QTMAN: variants seen among roughly 807,000 people sequenced by gnomAD.
The protein encoded by QTMAN is queuosine-tRNA mannosyltransferase, also known as tRNA-queuosine alpha-mannosyltransferase.
the QTMAN span, among the ~76,000 whole-genome samples, chr2:144,047,176 CAGG>C: frequency 1.3e-5 from 2 of 152,104 alleles, no homozygotes; most frequent in East Asian, 3.9e-4. Flanking sequence ...GAGGCTGAGG[CAGG>C]AGAATTGCTT....
At chr2:144,135,638 C>G in the QTMAN span, among the ~76,000 whole-genome samples, 2 of 152,138 alleles carry the variant, frequency 1.3e-5, no homozygotes, top group African/African-American at 4.8e-5. Flanking sequence ...GTTACCATGA[C>G]ATACTCACTT....
the QTMAN span, among the ~76,000 whole-genome samples, chr2:144,034,277 G>A: frequency 6.6e-6 from 1 of 152,190 alleles, no homozygotes; most frequent in Non-Finnish European, 1.5e-5. Context: ...CCAGGCTTCA[G>A]CTTAATAGCC....
chr2:144,080,230 C>A, the QTMAN span, among the ~76,000 whole-genome samples: 5 of 152,110 alleles, frequency 3.3e-5, no homozygotes, highest in Non-Finnish European at 7.4e-5. Context: ...ACTGAAAAAA[C>A]ACAAGCAAAA....
chr2:144,137,623 T>TTCCTGCTCTGCCTATATCTAGC, the QTMAN span, among the ~76,000 whole-genome samples: 1 of 152,108 alleles, frequency 6.6e-6, no homozygotes, highest in Admixed American at 6.6e-5. Flanking sequence ...CCAGTTCTAG[T>TTCCTGCTCTGCCTATATCTAGC]TCCTGCTCTG....
At chr2:144,075,696 C>A in the QTMAN span, among the ~76,000 whole-genome samples, 1 of 152,152 alleles carries the variant, frequency 6.6e-6, no homozygotes, top group Admixed American at 6.5e-5. Flanking sequence ...ATTCTACTGC[C>A]AAAACTGTTG....
chr2:144,174,762 C>A, the QTMAN span, among the ~76,000 whole-genome samples: 2 of 152,140 alleles, frequency 1.3e-5, no homozygotes. Context: ...CCATGTAAGG[C>A]GTGTCTTTAC....
the QTMAN span, among the ~76,000 whole-genome samples, chr2:144,313,142 G>T: frequency 6.6e-6 from 1 of 152,072 alleles, no homozygotes; most frequent in African/African-American, 2.4e-5. Flanking sequence ...GGTCCATTTG[G>T]GGAGAAACAG....
chr2:144,126,339 C>T, the QTMAN span, among the ~76,000 whole-genome samples: 1 of 151,570 alleles, frequency 6.6e-6, no homozygotes, highest in Non-Finnish European at 1.5e-5. Flanking sequence ...TGGTTCCAAC[C>T]CCAGATATTC....
the QTMAN span, among the ~76,000 whole-genome samples, chr2:144,272,300 AAATACTGATTG>A: frequency 6.6e-6 from 1 of 152,220 alleles, no homozygotes; most frequent in Non-Finnish European, 1.5e-5. Context: ...TTTTAATTTA[AAATACTGATTG>A]AATAAAATTT....
At chr2:144,014,310 G>T in the QTMAN span, among the ~76,000 whole-genome samples, 4 of 152,136 alleles carry the variant, frequency 2.6e-5, no homozygotes, top group Admixed American at 1.3e-4. Context: ...TGCTCTGGGG[G>T]AATACCCGCT....
chr2:144,141,485 C>T, the QTMAN span, among the ~76,000 whole-genome samples: 1 of 149,552 alleles, frequency 6.7e-6, no homozygotes, highest in Non-Finnish European at 1.5e-5. Context: ...AGCAGTGAGA[C>T]TTAACATTGA....
At chr2:144,011,511 C>T in the QTMAN span, among the ~76,000 whole-genome samples, 7 of 151,960 alleles carry the variant, frequency 4.6e-5, no homozygotes, top group Non-Finnish European at 1.0e-4. Context: ...ATCAAATAGG[C>T]ATAATACTAA....
the QTMAN span, among the ~76,000 whole-genome samples, chr2:144,313,347 T>G: frequency 6.6e-6 from 1 of 152,236 alleles, no homozygotes; most frequent in Non-Finnish European, 1.5e-5. Flanking sequence ...GCTTTGGAGC[T>G]TTAGCAAAAA....
the QTMAN span, among the ~76,000 whole-genome samples, chr2:144,292,167 C>T: frequency 4.6e-5 from 7 of 152,162 alleles, no homozygotes; most frequent in Non-Finnish European, 1.0e-4. Flanking sequence ...CTAAGGCTGT[C>T]CACTGCCTAA....
chr2:144,062,276 G>C, the QTMAN span, among the ~76,000 whole-genome samples: 1 of 152,182 alleles, frequency 6.6e-6, no homozygotes, highest in Admixed American at 6.5e-5. Context: ...TAAGGCGTTT[G>C]AGCACACAGT....
At chr2:143,991,477 T>G in the QTMAN span, among the ~76,000 whole-genome samples, 1 of 110,524 alleles carries the variant, frequency 9.0e-6, no homozygotes, top group Non-Finnish European at 1.8e-5. Context: ...GTCCGGGAGG[T>G]GAGGGGCGCC....
the QTMAN span, among the ~76,000 whole-genome samples, chr2:144,122,450 G>A: frequency 1.3e-5 from 2 of 152,112 alleles, no homozygotes; most frequent in South Asian, 2.1e-4. Context: ...CTGGAGTCAA[G>A]AAAAAACACT....
chr2:144,311,427 T>C, the QTMAN span, among the ~76,000 whole-genome samples: 1 of 152,178 alleles, frequency 6.6e-6, no homozygotes, highest in Non-Finnish European at 1.5e-5. Flanking sequence ...AACTTGATAA[T>C]GCACGCTATA....
chr2:144,072,941 CAG>C, the QTMAN span, among the ~76,000 whole-genome samples: 3 of 152,228 alleles, frequency 2.0e-5, no homozygotes, highest in Middle Eastern at 3.4e-3. Context: ...GAAGCAGACA[CAG>C]GGGGATTTTA....
Sources: gnomAD v4.1 joint callset for allele counts (sites outside exome capture counted in the v4.1 genomes callset) on GRCh38, gnomAD v4.1.1 for gene constraint, MANE v1.5 for transcripts, NCBI Gene and HGNC (gene_info 2026-07-23, HGNC 2026-07-21) for gene names.